ASTN2: variants seen among roughly 807,000 people sequenced by gnomAD.
ASTN2 encodes the protein astrotactin-2.
Under a neutral mutation model 139.8 loss-of-function variants are expected in ASTN2, and 54 were observed. The observed-to-expected ratio is 0.39, with a 90% confidence interval of 0.31 to 0.48. The LOEUF (loss-of-function observed/expected upper bound fraction) is 0.48. Ranked by LOEUF, ASTN2 falls within the 20% of genes least tolerant of loss-of-function variation. The pLI, the probability that ASTN2 is intolerant of heterozygous loss-of-function variation, is 0.95. For missense variants in ASTN2, 1,565 were observed against 1,725.1 expected (o/e 0.91, Z 1.64); for synonymous variants, 756 against 719.5 (o/e 1.05, Z -0.81).
intron 17 of ASTN2, among the ~76,000 whole-genome samples, chr9:116,623,510 C>A (rs1277245697): frequency 6.6e-6 from 1 of 152,122 alleles, no homozygotes; most frequent in Non-Finnish European, 1.5e-5. Context: ...CCTCTTCTGT[C>A]CTTGCAACAC....
chr9:116,786,249 C>T (rs1830372665), intron 13 of ASTN2, among the ~76,000 whole-genome samples: 1 of 152,182 alleles, frequency 6.6e-6, no homozygotes, highest in Non-Finnish European at 1.5e-5. Flanking sequence ...CATAGAATCC[C>T]CTGCCTAAAA....
intron 3 of ASTN2, among the ~76,000 whole-genome samples, chr9:117,190,402 G>T (rs943666475): frequency 1.3e-5 from 2 of 152,076 alleles, no homozygotes; most frequent in African/African-American, 4.8e-5. Flanking sequence ...TAGTATCCTC[G>T]CTTCTGAGTT....
intron 10 of ASTN2, among the ~76,000 whole-genome samples, chr9:116,873,329 G>A (rs1157082107): frequency 1.3e-5 from 2 of 152,326 alleles, no homozygotes; most frequent in East Asian, 3.9e-4. Flanking sequence ...GATAGGGTGA[G>A]GTGGCACAAG....
At chr9:117,023,417 A>G (rs906210890) in intron 6 of ASTN2, among the ~76,000 whole-genome samples, 11 of 152,224 alleles carry the variant, frequency 7.2e-5, no homozygotes, top group African/African-American at 2.6e-4. Context: ...ATGTTCCTTT[A>G]AATGTCGTTT....
intron 5 of ASTN2, among the ~76,000 whole-genome samples, chr9:117,048,802 T>C (rs1294543733): frequency 2.6e-5 from 4 of 152,136 alleles, no homozygotes; most frequent in Non-Finnish European, 5.9e-5. Context: ...GGTGAACTCA[T>C]GTTCAAACAA....
chr9:116,777,380 A>G (rs1253873033), intron 13 of ASTN2, among the ~76,000 whole-genome samples: 1 of 152,034 alleles, frequency 6.6e-6, no homozygotes, highest in Non-Finnish European at 1.5e-5. Context: ...GGTCCTCGTA[A>G]TTTTGCTTAT....
chr9:117,205,004 G>C (rs1269456583), intron 3 of ASTN2, among the ~76,000 whole-genome samples: 4 of 152,148 alleles, frequency 2.6e-5, no homozygotes, highest in East Asian at 3.9e-4. Context: ...TGTCTATGTG[G>C]GAGGCACTGT....
chr9:117,089,480 C>A (rs1236507427), intron 5 of ASTN2, among the ~76,000 whole-genome samples: 1 of 152,020 alleles, frequency 6.6e-6, no homozygotes, highest in East Asian at 1.9e-4. Context: ...GAATGCCTTG[C>A]ATGACAAATA....
intron 13 of ASTN2, among the ~76,000 whole-genome samples, chr9:116,744,365 G>T (rs944812325): frequency 6.6e-6 from 1 of 152,090 alleles, no homozygotes; most frequent in Admixed American, 6.5e-5. Flanking sequence ...TCATTCTAAG[G>T]GTAAGGAGAC....
chr9:116,667,770 T>C (rs925281665), intron 16 of ASTN2, among the ~76,000 whole-genome samples: 1 of 152,184 alleles, frequency 6.6e-6, no homozygotes, highest in African/African-American at 2.4e-5. Context: ...ACCTTTAGGT[T>C]CACAGAAAAA....
chr9:117,142,786 T>C (rs1035342358), intron 3 of ASTN2, among the ~76,000 whole-genome samples: 2 of 152,190 alleles, frequency 1.3e-5, no homozygotes, highest in African/African-American at 4.8e-5. Context: ...AATTGCTGAA[T>C]AGCCTCAGTG....
At chr9:116,626,154 G>GGT (rs1856444762) in intron 17 of ASTN2, among the ~76,000 whole-genome samples, 1 of 34,416 alleles carries the variant, frequency 2.9e-5, no homozygotes, top group Non-Finnish European at 5.6e-5. Context: ...TAGTTTTTGT[G>GGT]TTTTTTTTTT....
chr9:117,082,440 CCTAA>C (rs1828452666), intron 5 of ASTN2, among the ~76,000 whole-genome samples: 2 of 152,168 alleles, frequency 1.3e-5, no homozygotes, highest in Non-Finnish European at 2.9e-5. Context: ...CCAATAACCT[CCTAA>C]CTAGTCTCCC....
At chr9:116,849,108 T>G (rs921380011) in intron 11 of ASTN2, among the ~76,000 whole-genome samples, 1 of 152,178 alleles carries the variant, frequency 6.6e-6, no homozygotes, top group African/African-American at 2.4e-5. Context: ...GGGCAAATAA[T>G]GTGGGAAGAG....
At chr9:117,211,215 T>C (rs1182837054) in intron 3 of ASTN2, among the ~76,000 whole-genome samples, 3 of 152,108 alleles carry the variant, frequency 2.0e-5, no homozygotes, top group African/African-American at 7.2e-5. Flanking sequence ...AACATCCAAA[T>C]TGGAAAGGAG....
intron 20 of ASTN2, among the ~76,000 whole-genome samples, chr9:116,449,352 G>A (rs370196728): frequency 1.3e-5 from 2 of 152,300 alleles, no homozygotes; most frequent in East Asian, 3.9e-4. Context: ...GCTACAGTGA[G>A]CCAAGATGGC....
intron 16 of ASTN2, among the ~76,000 whole-genome samples, chr9:116,681,870 T>C (rs1238898885): frequency 2.0e-5 from 3 of 150,470 alleles, no homozygotes; most frequent in South Asian, 4.2e-4. Context: ...ATACAAAAAT[T>C]AATTCAAGAT....
chr9:117,016,620 CTATCTATATATA>C (rs1202379356), intron 6 of ASTN2, among the ~76,000 whole-genome samples: 194 of 16,010 alleles, frequency 0.012, 14 homozygotes, highest in East Asian at 0.017. Context: ...CTATATCTAT[CTATCTATATATA>C]TATATATATA....
intron 4 of ASTN2, among the ~76,000 whole-genome samples, chr9:117,126,777 G>C (rs1829698886): frequency 6.6e-6 from 1 of 152,234 alleles, no homozygotes. Context: ...GCTTGAGTGA[G>C]TGATTGATTG....
Sources: allele counts gnomAD v4.1 joint callset (sites outside exome capture counted in the v4.1 genomes callset), GRCh38; gene constraint gnomAD v4.1.1; transcripts MANE v1.5; gene names NCBI Gene and HGNC (gene_info 2026-07-23, HGNC 2026-07-21).